Variants in SYTL4 observed in about 807,000 individuals in gnomAD.
SYTL4 encodes the protein synaptotagmin-like protein 4.
A neutral mutation model predicts 52.7 loss-of-function variants in SYTL4; 16 were observed. That is an observed-to-expected ratio of 0.30 (90% CI 0.21 to 0.46). The LOEUF (loss-of-function observed/expected upper bound fraction) is 0.46. Among genes scored for constraint, SYTL4 ranks in the 20% least tolerant of loss-of-function variants. The probability of loss-of-function intolerance (pLI) is 1.00; values close to 1 mark genes in which losing one functional copy is unlikely to be tolerated. For missense variants in SYTL4, 423 were observed against 519.9 expected (o/e 0.81, Z 1.81); for synonymous variants, 160 against 186.6 (o/e 0.86, Z 1.16).
At chrX:100,690,808 A>G (rs1370713587) in intron 9 of SYTL4, among the ~76,000 whole-genome samples, 170 bp from the exon 10 acceptor site, 1 of 112,117 alleles carries the variant, frequency 8.9e-6, no homozygotes, top group African/African-American at 3.2e-5. Context: ...AAGATCAGAT[A>G]GGCAACTTTG....
intron 2 of SYTL4, among the ~76,000 whole-genome samples, chrX:100,729,776 G>A (rs1250034790): frequency 1.8e-5 from 2 of 110,680 alleles, no homozygotes; most frequent in African/African-American, 3.3e-5. Context: ...CTTGGGGGAA[G>A]AAGTATGTGT....
At chrX:100,698,375 T>A (rs1317662725) in intron 8 of SYTL4, among the ~76,000 whole-genome samples, 1 of 111,978 alleles carries the variant, frequency 8.9e-6, no homozygotes. Flanking sequence ...AGTGCTGGGA[T>A]TACAGGAGTG....
chrX:100,708,064 G>A (rs1267202264), intron 2 of SYTL4, among the ~76,000 whole-genome samples: 50 of 105,461 alleles, frequency 4.7e-4, no homozygotes, highest in Non-Finnish European at 8.4e-4. Context: ...ATCATACACC[G>A]GGGCCTGTCG....
chrX:100,698,345 C>T (rs1006672613), intron 8 of SYTL4, among the ~76,000 whole-genome samples: 109 of 111,229 alleles, frequency 9.8e-4, no homozygotes, highest in African/African-American at 3.4e-3. Context: ...CCTTGTGATC[C>T]GCCCGCCTCG....
Position 100,686,658 on chromosome X carries a change from CCTTGAGGT to C in SYTL4, c.1287+13_1287+20del, listed in dbSNP as rs1384791708. 1.8e-6 allele frequency: 2 copies of C among 1,134,306 alleles called. No individual in the cohort carries two copies. Among genetic ancestry groups the C allele is most frequent in the Non-Finnish European group, 1.2e-6 (1 of 827,045 alleles). The allele number at this position is 1,134,306 out of a possible 1,213,427, so 93.5% of individuals were successfully genotyped here. A position where few individuals can be genotyped will look rare whatever the true frequency, so the allele number is the denominator to read the frequency against. On this transcript the variant is annotated intron_variant, in intron 15 of 19. Transcript: ENST00000372989. ...CACAAGACAGAACAAGTTCTCCTACCCTTGAGGTCTAGATACTTACCCTCAGCGTCTCA... is the reference window on the plus strand; with the variant it reads ...CACAAGACAGAACAAGTTCTCCTACCCTAGATACTTACCCTCAGCGTCTCA...
chrX:100,688,413 G>A lies in SYTL4; in HGVS notation c.943C>T (p.His315Tyr), dbSNP rs774568147. The change falls in exon 13 of 20, where the codon CAC becomes TAC. Residue 315 changes from histidine to tyrosine, a missense_variant. Coordinates refer to ENST00000372989, the MANE Select transcript of SYTL4 (RefSeq NM_001370165.1). ...TTCTGGCGATGTAACTTCACTAGGT[G>A]GTCAATGTCTTCTTCTTCTTCTTCC... ...EEEEEEEDID[H>Y]LVKLHRQKLA... The A allele has an allele frequency of 2.5e-6, 3 of 1,209,146 alleles. No homozygotes were observed. The highest frequency in any genetic ancestry group is 3.0e-5 in the East Asian group (1 of 33,819).
intron 8 of SYTL4, among the ~76,000 whole-genome samples, chrX:100,696,803 T>G (rs1352651183): frequency 9.0e-6 from 1 of 111,457 alleles, no homozygotes; most frequent in Non-Finnish European, 1.9e-5. Context: ...CTGGAGGACT[T>G]ACTTTATACA....
rs766188363 is a variant in SYTL4 at position 100,723,777 on chromosome X, C to A, written c.-240+7641G>T. On this transcript the variant is annotated intron_variant, in intron 2 of 19. Transcript: ENST00000372989. ...GAGCCCCTCCGCCCGGCAGCCGCAC[C>A]GTCTGAGAAGTGAGGAGTCCCTCCG... Among the ~76,000 whole-genome samples the A allele has an allele frequency of 5.6e-4, 61 of 109,441 alleles. No individual in the cohort carries two copies. The Middle Eastern group carries it at 0.015, about 26-fold the overall frequency.
At chrX:100,679,983 G>T (rs1410898066) in intron 17 of SYTL4, among the ~76,000 whole-genome samples, 1 of 111,798 alleles carries the variant, frequency 8.9e-6, no homozygotes, top group Non-Finnish European at 1.9e-5. Flanking sequence ...TCTTCTTCAA[G>T]CTATTCTCCA....
At chrX:100,712,096 G>A in intron 2 of SYTL4, among the ~76,000 whole-genome samples, 1 of 111,417 alleles carries the variant, frequency 9.0e-6, no homozygotes, top group Non-Finnish European at 1.9e-5. Flanking sequence ...ACATGCAAAA[G>A]TTGAAAGAAT....
At position 100,701,506 on chromosome X, in the gene SYTL4, A is replaced by T. The variant is rs1315668006; in HGVS notation, c.278T>A (p.Ile93Lys). Reference sequence around the variant, plus strand: ...CCTCCAGGTACCATTGCTTTCCTGTATGCGGCAGTCCCGACACACCAGGTG... The same window carrying T: ...CCTCCAGGTACCATTGCTTTCCTGTTTGCGGCAGTCCCGACACACCAGGTG... Reference protein sequence around the residue: ...CNHLVCRDCRIQESNGTWRCK... With the variant: ...CNHLVCRDCRKQESNGTWRCK... The change falls in exon 6 of 20, where the codon ATA becomes AAA. Residue 93 changes from isoleucine to lysine, a missense_variant. By Grantham distance (102) the Ile-to-Lys change is moderately radical. Transcript: ENST00000372989. The T allele has an allele frequency of 4.1e-6, 5 of 1,211,733 alleles. No homozygotes were observed. The highest frequency in any genetic ancestry group is 5.6e-6 in the Non-Finnish European group (5 of 895,531).
intron 2 of SYTL4, among the ~76,000 whole-genome samples, chrX:100,730,189 A>G (rs2084612544): frequency 1.8e-5 from 2 of 111,547 alleles, no homozygotes; most frequent in African/African-American, 6.5e-5. Context: ...GATTTCATTC[A>G]TCTAATTACA....
At chrX:100,718,318 T>C (rs142432382) in intron 2 of SYTL4, among the ~76,000 whole-genome samples, 1,344 of 111,775 alleles carry the variant, frequency 0.012, 6 homozygotes, top group Non-Finnish European at 0.02. Context: ...GAAGCAAATG[T>C]TAGTAATTAG....
In SYTL4 at chrX:100,701,971, G is replaced by A; in HGVS notation, c.67C>T (p.Gln23Ter). The A allele has an allele frequency of 8.3e-7, 1 of 1,210,644 alleles. No individual in the cohort carries two copies. The highest frequency in any genetic ancestry group is 1.7e-5 in the African/African-American group (1 of 57,654). ...GCTTTCCGGACCTCTTCATCTCGCT[G>A]TAGAACACTGAGAATCAAATCCTTT... ...EEKDLILSVL[Q>*]RDEEVRKADE... Residue 23 changes from glutamine to a stop codon, truncating the protein, a stop_gained, in exon 5 of 20, where the codon CAG becomes TAG. Transcript: ENST00000372989. LOFTEE classifies it high-confidence loss of function.
In SYTL4 at chrX:100,674,961, G is replaced by A. The variant is rs2083253554; in HGVS notation, c.*1067C>T. ...AAGCAGGAAGTCAGAATAACAGGGAGACTCTGTCTACATTCCCTTAGAGCC... is the reference window on the plus strand; with the variant it reads ...AAGCAGGAAGTCAGAATAACAGGGAAACTCTGTCTACATTCCCTTAGAGCC... On this transcript the variant is annotated 3_prime_UTR_variant, in exon 20 of 20. Transcript: ENST00000372989. The A allele has an allele frequency of 1.8e-5, 2 of 111,760 alleles. No individual in the cohort carries two copies. The highest frequency in any genetic ancestry group is 1.9e-4 in the Admixed American group (2 of 10,552). 9.2% of individuals were successfully genotyped at this position (111,760 alleles called of 1,213,427 possible).
intron 2 of SYTL4, among the ~76,000 whole-genome samples, chrX:100,713,620 G>GT (rs1298162993): frequency 1.7e-4 from 1 of 5,934 alleles, no homozygotes; most frequent in Non-Finnish European, 7.4e-4. Flanking sequence ...TGCCTCAAAA[G>GT]GGGGAAAAAA....
At chrX:100,694,516 C>T (rs1204777460) in intron 8 of SYTL4, among the ~76,000 whole-genome samples, 1 of 111,696 alleles carries the variant, frequency 9.0e-6, no homozygotes, top group Non-Finnish European at 1.9e-5. Flanking sequence ...TAAGACTTGC[C>T]CTGGCTATCC....
chrX:100,678,149 A>G (rs1229580314), intron 19 of SYTL4, among the ~76,000 whole-genome samples: 4 of 110,929 alleles, frequency 3.6e-5, no homozygotes, highest in Non-Finnish European at 7.5e-5. Flanking sequence ...TTTGGTGGGA[A>G]GATTATGAAG....
intron 12 of SYTL4, among the ~76,000 whole-genome samples, chrX:100,688,924 C>T (rs1333012182): frequency 1.8e-5 from 2 of 110,834 alleles, no homozygotes; most frequent in Non-Finnish European, 3.8e-5. Context: ...TTCCAACCAT[C>T]CTTCTCATAT....
Sources: gnomAD v4.1 joint callset for allele counts (sites outside exome capture counted in the v4.1 genomes callset) on GRCh38, gnomAD v4.1.1 for gene constraint, MANE v1.5 for transcripts, NCBI Gene and HGNC (gene_info 2026-07-23, HGNC 2026-07-21) for gene names.